The following SHISAL2A variants were observed in gnomAD, a reference collection of about 807,000 sequenced individuals.
SHISAL2A encodes protein shisa-like-2A.
SHISAL2A carries 18 observed loss-of-function variants against 11.5 expected under a neutral mutation model. The ratio of observed to expected loss-of-function variants is 1.57; its 90% CI spans 1.08 to 2.33. SHISAL2A has a LOEUF of 2.33. SHISAL2A is among the 30% of genes most tolerant of loss of function. The pLI is 0.00. For missense variants in SHISAL2A, 261 were observed against 250.9 expected (o/e 1.04, Z -0.27); for synonymous variants, 94 against 99.6 (o/e 0.94, Z 0.34).
rs1390979581 is a variant in SHISAL2A at position 52,663,559 on chromosome 1, G to A, written n.696-3840G>A. Among the ~76,000 whole-genome samples, 3 of 152,110 alleles carry A rather than the reference G, an allele frequency of 2.0e-5. No homozygotes were observed. In the East Asian group the frequency reaches 5.8e-4, roughly 29 times the overall value. ...GTGGATCACCTAAGGTCATGAGGTC[G>A]AGACCAGCCTGGCCAACATGGTGAA... On this transcript the variant is annotated intron_variant and non_coding_transcript_variant, in intron 4 of 5. Transcript: ENST00000401050.
chr1:52,651,931 G>A (rs964993628), intron 2 of SHISAL2A, among the ~76,000 whole-genome samples: 38 of 152,210 alleles, frequency 2.5e-4, no homozygotes, highest in African/African-American at 8.0e-4. Flanking sequence ...AACAGATCTA[G>A]AGAGGTGAAG....
chr1:52,635,527 G>T (rs949526424), intron 1 of SHISAL2A, among the ~76,000 whole-genome samples: 1 of 152,112 alleles, frequency 6.6e-6, no homozygotes, highest in African/African-American at 2.4e-5. Context: ...CACAAGACCA[G>T]TTGAGCCAGT....
intron 2 of SHISAL2A, among the ~76,000 whole-genome samples, chr1:52,644,689 A>C (rs934755514): frequency 6.9e-6 from 1 of 145,902 alleles, no homozygotes; most frequent in Non-Finnish European, 1.5e-5. Flanking sequence ...GTGCCATTGC[A>C]CTCCAGCCTG....
chr1:52,638,743 T>G (rs1691292916), intron 1 of SHISAL2A, among the ~76,000 whole-genome samples: 1 of 152,248 alleles, frequency 6.6e-6, no homozygotes, highest in East Asian at 1.9e-4. Context: ...TTATCCCACC[T>G]GACGGCCAGG....
chr1:52,661,392 T>C (rs1165853727), downstream of SHISAL2A, among the ~76,000 whole-genome samples: 1 of 152,206 alleles, frequency 6.6e-6, no homozygotes, highest in Non-Finnish European at 1.5e-5. Flanking sequence ...AAGAAATGAC[T>C]TGGGCCCTAG....
At chr1:52,635,237 C>G (rs1691213325) in intron 1 of SHISAL2A, among the ~76,000 whole-genome samples, 1 of 152,052 alleles carries the variant, frequency 6.6e-6, no homozygotes, top group Admixed American at 6.6e-5. Context: ...TTGCTTGCTG[C>G]CCAAAAAAAC....
At chr1:52,661,973 C>T (rs907294842), downstream of SHISAL2A, among the ~76,000 whole-genome samples, 2 of 151,552 alleles carry the variant, frequency 1.3e-5, no homozygotes, top group Non-Finnish European at 2.9e-5. Context: ...GAGGAGGTTG[C>T]GGTGATCTGA....
intron 4 of SHISAL2A, among the ~76,000 whole-genome samples, chr1:52,664,512 T>G (rs1396953883): frequency 6.6e-6 from 1 of 150,776 alleles, no homozygotes; most frequent in African/African-American, 2.4e-5. Flanking sequence ...TGTGCCACCA[T>G]GCCCGGCTAA....
chr1:52,655,645 G>A (rs988555081), intron 2 of SHISAL2A, among the ~76,000 whole-genome samples: 1 of 151,878 alleles, frequency 6.6e-6, no homozygotes, highest in Non-Finnish European at 1.5e-5. Context: ...TAATGTTTTT[G>A]AAAAAGGATA....
intron 4 of SHISAL2A, among the ~76,000 whole-genome samples, chr1:52,665,057 CA>C (rs1691985870): frequency 6.6e-6 from 1 of 152,150 alleles, no homozygotes; most frequent in African/African-American, 2.4e-5. Context: ...TTGATCTGCA[CA>C]ATACTTAAGC....
chr1:52,646,996 A>T (rs926238003), intron 2 of SHISAL2A, among the ~76,000 whole-genome samples: 13 of 151,122 alleles, frequency 8.6e-5, no homozygotes, highest in African/African-American at 2.9e-4. Flanking sequence ...TGCCCAGCTA[A>T]TTTTTTTTTG....
At chr1:52,667,802 C>T (rs1692041160) in intron 5 of SHISAL2A, 1 of 152,214 alleles carries the variant, frequency 6.6e-6, no homozygotes, top group Non-Finnish European at 1.5e-5. Flanking sequence ...ATCCTAGCCC[C>T]TTTGCATCCT....
At chr1:52,657,626 G>A (rs1444252521), downstream of SHISAL2A, among the ~76,000 whole-genome samples, 1 of 152,160 alleles carries the variant, frequency 6.6e-6, no homozygotes, top group African/African-American at 2.4e-5. Flanking sequence ...AGGACAAGGT[G>A]GATGGATCAC....
chr1:52,664,654 C>G (rs112289038), intron 4 of SHISAL2A, among the ~76,000 whole-genome samples: 1 of 152,134 alleles, frequency 6.6e-6, no homozygotes, highest in African/African-American at 2.4e-5. Flanking sequence ...CCACCGCGCT[C>G]GGCCCTGATT....
In SHISAL2A at chr1:52,656,820, G is replaced by T. The variant is rs773649586; in HGVS notation, c.353G>T (p.Gly118Val). The T allele has an allele frequency of 3.7e-6, 6 of 1,613,746 alleles. No homozygotes were observed. Among genetic ancestry groups the T allele is most frequent in the East Asian group, 2.2e-5 (1 of 44,876 alleles). The change falls in exon 3 of 3, where the codon GGT becomes GTT. Residue 118 changes from glycine (G) to valine (V), a missense_variant. Coordinates refer to ENST00000517870, the MANE Select transcript of SHISAL2A (RefSeq NM_001042693.3). ...GAGGAGGTTTCTCCTGACTGCCAAG[G>T]TGTGAACACAGGCATGGCGGCAGAA... The part of the protein sequence containing the change: ...GPEEVSPDCQ[G>V]VNTGMAAEVP...
At chr1:52,655,282 CT>C (rs1264943883) in intron 2 of SHISAL2A, among the ~76,000 whole-genome samples, 3 of 151,798 alleles carry the variant, frequency 2.0e-5, no homozygotes, top group Admixed American at 6.6e-5. Context: ...GAGCAGAAGA[CT>C]TGAACAGACA....
chr1:52,654,224 TATAG>T (rs55929422), intron 2 of SHISAL2A, among the ~76,000 whole-genome samples: 387 of 147,782 alleles, frequency 2.6e-3, no homozygotes, highest in African/African-American at 6.9e-3. Context: ...ATGGCAGTTT[TATAG>T]ATAGATAGAT....
At chr1:52,649,081 C>T (rs1283661217) in intron 2 of SHISAL2A, among the ~76,000 whole-genome samples, 4 of 152,184 alleles carry the variant, frequency 2.6e-5, no homozygotes, top group Non-Finnish European at 4.4e-5. Context: ...TCAAACTCAG[C>T]TCTTAGTTCC....
downstream of SHISAL2A, among the ~76,000 whole-genome samples, chr1:52,660,776 A>G (rs144254432): frequency 4.6e-5 from 7 of 152,202 alleles, no homozygotes; most frequent in African/African-American, 1.7e-4. Context: ...AGACGTTCAC[A>G]TTTGTTTGTC....
Sources: allele counts gnomAD v4.1 joint callset (sites outside exome capture counted in the v4.1 genomes callset), GRCh38; gene constraint gnomAD v4.1.1; transcripts MANE v1.5; gene names NCBI Gene and HGNC (gene_info 2026-07-23, HGNC 2026-07-21).